Variants in PCDH7 observed in about 807,000 individuals in gnomAD.
The protein encoded by PCDH7 is protocadherin-7.
A neutral mutation model predicts 58.9 loss-of-function variants in PCDH7; 17 were observed. The ratio of observed to expected loss-of-function variants is 0.29; its 90% CI spans 0.20 to 0.43. The LOEUF (loss-of-function observed/expected upper bound fraction) is 0.43, where lower values mean the gene tolerates loss of function less well. Among genes scored for constraint, PCDH7 ranks in the 20% least tolerant of loss-of-function variants. PCDH7 has a pLI of 1.00. For synonymous variants in PCDH7, 664 were observed against 616.4 expected (o/e 1.08, Z -1.14); for missense variants, 1,274 against 1,441.0 (o/e 0.88, Z 1.88).
rs1056429876 is a variant in PCDH7, at chr4:31,037,447, G to C, written c.*7+87232G>C. ...AGCTCTCCTGGAAGGGGATCTCCCT[G>C]GTCCCACTACACTGTGTTCATACTT... On this transcript the variant is annotated intron_variant, in intron 3 of 3. Transcript: ENST00000509759. Among the ~76,000 whole-genome samples, 5 of 152,132 alleles carry C rather than the reference G, an allele frequency of 3.3e-5. No homozygotes were observed. The South Asian group carries it at 8.3e-4, about 25-fold the overall frequency.
chr4:30,811,413 G>C (rs1004527489), intron 1 of PCDH7, among the ~76,000 whole-genome samples: 1 of 152,198 alleles, frequency 6.6e-6, no homozygotes, highest in African/African-American at 2.4e-5. Context: ...AAGGATGACA[G>C]TTTAATTGGC....
chr4:30,848,665 T>C (rs1044575662), intron 1 of PCDH7, among the ~76,000 whole-genome samples: 1 of 152,114 alleles, frequency 6.6e-6, no homozygotes, highest in Non-Finnish European at 1.5e-5. Context: ...ATGCTTAAAG[T>C]TCAGTTTGTA....
chr4:30,964,183 G>A (rs1748751609), intron 3 of PCDH7, among the ~76,000 whole-genome samples: 1 of 151,964 alleles, frequency 6.6e-6, no homozygotes, highest in South Asian at 2.1e-4. Context: ...TGCTATAGGG[G>A]AAGTGATAGG....
At chr4:30,804,853 T>A (rs1351889183) in intron 1 of PCDH7, among the ~76,000 whole-genome samples, 1 of 152,210 alleles carries the variant, frequency 6.6e-6, no homozygotes, top group East Asian at 1.9e-4. Flanking sequence ...TTATTTCTGA[T>A]CTCCTTCACC....
intron 1 of PCDH7, among the ~76,000 whole-genome samples, chr4:30,798,233 C>T (rs1725048196): frequency 6.6e-6 from 1 of 152,104 alleles, no homozygotes. Flanking sequence ...CAGCAGAGGT[C>T]TTTACAGACA....
chr4:31,141,182 A>C lies in PCDH7; in HGVS notation c.*8-1291A>C, dbSNP rs527687664. Among the ~76,000 whole-genome samples, 19 of 152,364 alleles carry C rather than the reference A, an allele frequency of 1.2e-4. 1 individual carries two copies. Among genetic ancestry groups the C allele is most frequent in the Middle Eastern group, 3.4e-3 (1 of 294 alleles). On this transcript the variant is annotated intron_variant, in intron 3 of 3. Transcript: ENST00000509759. Reference sequence around the variant, plus strand: ...GTGGAAGCAAAAGCAGAAAGTGTACATATCTTGGGAATAATTTAAATAACT... The same window carrying C: ...GTGGAAGCAAAAGCAGAAAGTGTACCTATCTTGGGAATAATTTAAATAACT...
rs541053671 is a variant in PCDH7, at chr4:31,013,459, TATA to T, written c.*7+63248_*7+63250del. On this transcript the variant is annotated intron_variant, in intron 3 of 3. Transcript: ENST00000509759. ...ATATCATATATCTTCATATATTATA[TATA>T]ATATGTGCATATATAATATATAATA... is the stretch of plus-strand genomic sequence containing the variant. Among the ~76,000 whole-genome samples, 396 of 150,398 alleles carry T rather than the reference TATA, an allele frequency of 2.6e-3. 1 individual carries two copies. The highest frequency in any genetic ancestry group is 9.0e-3 in the African/African-American group (370 of 41,110).
chr4:31,052,218 CA>C (rs950467862), intron 3 of PCDH7, among the ~76,000 whole-genome samples: 1 of 152,046 alleles, frequency 6.6e-6, no homozygotes, highest in Non-Finnish European at 1.5e-5. Flanking sequence ...TTAGTTTAAA[CA>C]AAAGTGTCTT....
chr4:31,016,687 C>A (rs1753628956), intron 3 of PCDH7, among the ~76,000 whole-genome samples: 1 of 152,024 alleles, frequency 6.6e-6, no homozygotes, highest in Admixed American at 6.6e-5. Flanking sequence ...ACAAAATAAC[C>A]CTGGAATCCA....
intron 1 of PCDH7, among the ~76,000 whole-genome samples, chr4:30,817,686 G>T (rs1201311422): frequency 6.6e-6 from 1 of 151,454 alleles, no homozygotes; most frequent in Non-Finnish European, 1.5e-5. Flanking sequence ...TTTTTTTAGA[G>T]GGCTTTTGTT....
At chr4:31,061,850 T>G (rs918113137) in intron 3 of PCDH7, among the ~76,000 whole-genome samples, 1 of 151,746 alleles carries the variant, frequency 6.6e-6, no homozygotes, top group African/African-American at 2.4e-5. Context: ...ATTGACCAAT[T>G]GAGTCAACAT....
chr4:30,722,018 G>C lies in PCDH7; in HGVS notation c.596G>C (p.Gly199Ala). ...AGCGGCGGCGAGAGCCGGCGCGCCG[G>C]GGCGGCCGACAGCGCCCCCTACCCC... Residue 199 changes from glycine (G) to alanine (A), a missense_variant, in exon 1 of 2, where the codon GGG becomes GCG. By Grantham distance (60) the Gly-to-Ala change is moderately conservative. Transcript: ENST00000361762. This position sits in a 1 kb window ranked among gnomAD's most constrained non-coding sequence, Gnocchi z 7.6. 2.4e-6 allele frequency: 3 copies of C among 1,260,428 alleles called. No homozygotes were observed. Among genetic ancestry groups the C allele is most frequent in the Non-Finnish European group, 3.0e-6 (3 of 1,006,194 alleles). 78.1% of individuals were successfully genotyped at this position (1,260,428 alleles called of 1,614,324 possible). A position where few individuals can be genotyped will look rare whatever the true frequency, so the allele number is the denominator to read the frequency against.
At chr4:30,732,974 C>T (rs909300549), downstream of PCDH7, 3 of 152,130 alleles carry the variant, frequency 2.0e-5, no homozygotes, top group Non-Finnish European at 4.4e-5. Context: ...AATCTTTGAA[C>T]ACGTGCCATT....
intron 3 of PCDH7, among the ~76,000 whole-genome samples, chr4:31,121,409 G>A (rs1717678612): frequency 6.6e-6 from 1 of 152,176 alleles, no homozygotes; most frequent in South Asian, 2.1e-4. Flanking sequence ...AGTTTCATCT[G>A]TAAATGTTTG....
chr4:30,824,640 G>A (rs1362174421), intron 1 of PCDH7, among the ~76,000 whole-genome samples: 1 of 152,070 alleles, frequency 6.6e-6, no homozygotes, highest in Non-Finnish European at 1.5e-5. Context: ...GTTTTATCAG[G>A]CAGAGTAGGA....
At chr4:30,878,334 C>T (rs1736543326) in intron 1 of PCDH7, among the ~76,000 whole-genome samples, 1 of 152,088 alleles carries the variant, frequency 6.6e-6, no homozygotes, top group Admixed American at 6.6e-5. Flanking sequence ...CTTCTGTGCA[C>T]ATGCTATTGC....
chr4:30,765,563 G>GT (rs1381563749), intron 1 of PCDH7, among the ~76,000 whole-genome samples: 1 of 152,136 alleles, frequency 6.6e-6, no homozygotes, highest in Non-Finnish European at 1.5e-5. Flanking sequence ...AGACATTGGA[G>GT]TAGACAGATA....
chr4:30,915,590 C>T (rs1742342300), intron 1 of PCDH7, among the ~76,000 whole-genome samples: 1 of 152,102 alleles, frequency 6.6e-6, no homozygotes, highest in South Asian at 2.1e-4. Context: ...GTGGCGCGAT[C>T]TCGGCTCACT....
chr4:31,123,572 G>T (rs537774851), intron 3 of PCDH7, among the ~76,000 whole-genome samples: 2 of 152,274 alleles, frequency 1.3e-5, no homozygotes, highest in South Asian at 4.1e-4. Flanking sequence ...GGTTGCCCAT[G>T]ACCTCTGGAG....
Sources: allele counts gnomAD v4.1 joint callset (sites outside exome capture counted in the v4.1 genomes callset), GRCh38; gene constraint gnomAD v4.1.1; non-coding constraint Gnocchi (gnomAD v3.1); transcripts MANE v1.5; gene names NCBI Gene and HGNC (gene_info 2026-07-23, HGNC 2026-07-21).